Variants in CEP112 observed in about 807,000 individuals in gnomAD.
CEP112 encodes the protein centrosomal protein 112.
Under a neutral mutation model 153.0 loss-of-function variants are expected in CEP112, and 127 were observed. That is an observed-to-expected ratio of 0.83 (90% CI 0.72 to 0.96). CEP112 has a LOEUF of 0.96. Among genes scored for constraint, CEP112 ranks in the 40% least tolerant of loss-of-function variants. CEP112 has a pLI of 0.00. For synonymous variants in CEP112, 358 were observed against 374.4 expected (o/e 0.96, Z 0.51); for missense variants, 1,089 against 1,101.2 (o/e 0.99, Z 0.16).
intron 4 of CEP112, among the ~76,000 whole-genome samples, chr17:66,166,467 T>A (rs796195082): frequency 1.1e-4 from 17 of 152,286 alleles, no homozygotes; most frequent in African/African-American, 3.6e-4. Context: ...TGAAAAGACA[T>A]AAAATTACTA....
rs536242208 is a variant in CEP112, at chr17:66,063,000, T to C, written c.1037A>G (p.Gln346Arg). The part of the protein sequence containing the change: ...QIAELKKICE[Q>R]STESLNNDWE... ...GTCATTATTTAGAGATTCCGTACTT[T>C]GTTCACATATCTTTTTCAGCTCTGC... The change falls in exon 11 of 27, where the codon CAA becomes CGA. Residue 346 changes from glutamine to arginine, a missense_variant. Coordinates refer to ENST00000535342, the MANE Select transcript of CEP112 (RefSeq NM_001199165.4). 8.1e-6 allele frequency: 13 copies of C among 1,599,304 alleles called. No homozygotes were observed. The highest frequency in any genetic ancestry group is 5.1e-5 in the Admixed American group (3 of 58,262).
At chr17:65,728,742 C>A (rs980538533) in intron 23 of CEP112, among the ~76,000 whole-genome samples, 2 of 152,008 alleles carry the variant, frequency 1.3e-5, no homozygotes, top group African/African-American at 4.8e-5. Flanking sequence ...ATAAAAGATA[C>A]AAAATGGTGC....
At chr17:66,074,619 C>T (rs2146114283) in intron 8 of CEP112, among the ~76,000 whole-genome samples, 1 of 152,122 alleles carries the variant, frequency 6.6e-6, no homozygotes, top group South Asian at 2.1e-4. Context: ...AATCCCAGCA[C>T]TTTGGGAGGC....
chr17:65,994,488 C>T (rs1488139952), intron 17 of CEP112, among the ~76,000 whole-genome samples: 1 of 152,082 alleles, frequency 6.6e-6, no homozygotes. Flanking sequence ...TGCCACCCAG[C>T]CAGCTAATAT....
intron 24 of CEP112, among the ~76,000 whole-genome samples, chr17:65,645,966 T>C (rs898351943): frequency 6.6e-6 from 1 of 152,184 alleles, no homozygotes; most frequent in African/African-American, 2.4e-5. Flanking sequence ...TATGATTTCA[T>C]TTGCTCTGGG....
intron 22 of CEP112, among the ~76,000 whole-genome samples, chr17:65,746,104 G>A (rs748375979): frequency 1.5e-5 from 2 of 136,568 alleles, no homozygotes; most frequent in South Asian, 2.2e-4. Context: ...GGCGGAGGCC[G>A]CAGTGAGCCA....
chr17:66,046,312 G>A (rs2145876390), intron 12 of CEP112, among the ~76,000 whole-genome samples: 1 of 152,244 alleles, frequency 6.6e-6, no homozygotes, highest in East Asian at 1.9e-4. Context: ...AAAGTGCTGG[G>A]ATTATAGGCG....
intron 21 of CEP112, among the ~76,000 whole-genome samples, chr17:65,840,538 G>C (rs1344218979): frequency 6.6e-6 from 1 of 151,922 alleles, no homozygotes; most frequent in Non-Finnish European, 1.5e-5. Flanking sequence ...TAAGACCTGA[G>C]AGTATGAAAC....
At chr17:66,072,456 C>G (rs549246111) in intron 8 of CEP112, among the ~76,000 whole-genome samples, 26 of 152,258 alleles carry the variant, frequency 1.7e-4, no homozygotes, top group African/African-American at 4.3e-4. Flanking sequence ...TCTGGAACAG[C>G]CTTTCTTCGT....
chr17:66,162,070 G>T (rs1393248072), intron 4 of CEP112, among the ~76,000 whole-genome samples: 2 of 151,996 alleles, frequency 1.3e-5, no homozygotes, highest in Non-Finnish European at 2.9e-5. Context: ...AAAGATATTT[G>T]CAATACATAT....
intron 17 of CEP112, among the ~76,000 whole-genome samples, chr17:65,967,346 T>G (rs530197070): frequency 3.2e-4 from 49 of 152,196 alleles, no homozygotes; most frequent in Non-Finnish European, 5.6e-4. Context: ...GAATCATAAT[T>G]CAAAAGAACT....
chr17:66,018,805 G>C lies in CEP112; in HGVS notation c.1656+8696C>G, dbSNP rs547776155. On this transcript the variant is annotated intron_variant, in intron 16 of 26. Coordinates refer to ENST00000535342, the MANE Select transcript of CEP112 (RefSeq NM_001199165.4). ...AGTTCCATCAGAATGATTTTAAGTA[G>C]ATATTTCAATTCAGTACATTTTAGA... Among the ~76,000 whole-genome samples, 30 of 152,272 alleles carry C rather than the reference G, an allele frequency of 2.0e-4. 1 individual carries two copies. The South Asian group carries it at 5.8e-3, about 29-fold the overall frequency.
intron 21 of CEP112, among the ~76,000 whole-genome samples, chr17:65,824,460 G>C (rs936758474): frequency 6.6e-6 from 1 of 152,212 alleles, no homozygotes; most frequent in Non-Finnish European, 1.5e-5. Context: ...TGATGGAACT[G>C]TTCTTCATCT....
intron 19 of CEP112, among the ~76,000 whole-genome samples, chr17:65,918,569 A>G (rs1251193282): frequency 6.6e-6 from 1 of 152,218 alleles, no homozygotes; most frequent in African/African-American, 2.4e-5. Flanking sequence ...GAAAGCAAAG[A>G]TATAAAACAC....
At chr17:65,902,391 A>T in intron 19 of CEP112, 57 bp from the exon 20 acceptor site, 1 of 1,377,530 alleles carries the variant, frequency 7.3e-7, no homozygotes, top group Non-Finnish European at 9.7e-7. Flanking sequence ...CGTCATGACA[A>T]CTCATGTACA....
chr17:66,142,774 C>T (rs1324213854), intron 4 of CEP112, among the ~76,000 whole-genome samples: 1 of 152,112 alleles, frequency 6.6e-6, no homozygotes, highest in Non-Finnish European at 1.5e-5. Context: ...ATTTTGAAAT[C>T]AGGAAGTATC....
chr17:65,843,550 A>C (rs1453583580), intron 21 of CEP112, among the ~76,000 whole-genome samples: 1 of 152,196 alleles, frequency 6.6e-6, no homozygotes, highest in African/African-American at 2.4e-5. Flanking sequence ...TTAATCCTTT[A>C]ATTATAAATT....
At chr17:65,790,189 G>A (rs1413409139) in intron 21 of CEP112, among the ~76,000 whole-genome samples, 1 of 152,172 alleles carries the variant, frequency 6.6e-6, no homozygotes, top group African/African-American at 2.4e-5. Flanking sequence ...CTTGACATTT[G>A]TGTCCTAAAG....
chr17:65,973,187 G>A lies in CEP112; in HGVS notation c.1737-11589C>T, dbSNP rs180867302. On this transcript the variant is annotated intron_variant, in intron 17 of 26. Coordinates refer to ENST00000535342, the MANE Select transcript of CEP112 (RefSeq NM_001199165.4). ...CAGAAGAAAACCTTTGTGACCTTGG[G>A]TTAGAAAAAGATTTCCTAGATATGA... Among the ~76,000 whole-genome samples the A allele has an allele frequency of 4.6e-5, 7 of 152,252 alleles. No homozygotes were observed. The East Asian group carries it at 1.2e-3, about 25-fold the overall frequency.
Sources: gnomAD v4.1 joint callset for allele counts (sites outside exome capture counted in the v4.1 genomes callset) on GRCh38, gnomAD v4.1.1 for gene constraint, MANE v1.5 for transcripts, NCBI Gene and HGNC (gene_info 2026-07-23, HGNC 2026-07-21) for gene names.